The following TMEM71 variants were observed in gnomAD, a reference collection of about 807,000 sequenced individuals.
TMEM71 encodes transmembrane protein 71.
Under a neutral mutation model 38.0 loss-of-function variants are expected in TMEM71, and 44 were observed. That is an observed-to-expected ratio of 1.16 (90% CI 0.91 to 1.49). The LOEUF is 1.49. Among genes scored for constraint, TMEM71 ranks in the 40% most tolerant of loss-of-function variants. The probability of loss-of-function intolerance (pLI) is 0.00; values close to 1 mark genes in which losing one functional copy is unlikely to be tolerated. For missense variants in TMEM71, 367 were observed against 348.6 expected (o/e 1.05, Z -0.42); for synonymous variants, 133 against 122.5 (o/e 1.09, Z -0.56).
At chr8:132,728,836 C>A (rs1827295490) in intron 5 of TMEM71, among the ~76,000 whole-genome samples, 1 of 152,190 alleles carries the variant, frequency 6.6e-6, no homozygotes, top group Non-Finnish European at 1.5e-5. Context: ...TCTGTCCTTA[C>A]ATATTGCTGA....
intron 3 of TMEM71, among the ~76,000 whole-genome samples, chr8:132,756,403 CATATATATTATATATAT>C (rs1829006531): frequency 1.1e-5 from 1 of 95,234 alleles, no homozygotes; most frequent in Admixed American, 1.2e-4. Context: ...TTGACACTAA[CATATATATTATATATAT>C]ATATATATAT....
intron 7 of TMEM71, among the ~76,000 whole-genome samples, chr8:132,715,435 A>AAAAAAAAAAAAAAAGAAT: frequency 6.7e-6 from 1 of 150,204 alleles, no homozygotes; most frequent in East Asian, 2.0e-4. Context: ...AAAAAAAAAA[A>AAAAAAAAAAAAAAAGAAT]GAATGAAAAG....
chr8:132,760,979 T>G (rs1829282311), upstream of TMEM71, among the ~76,000 whole-genome samples: 1 of 152,248 alleles, frequency 6.6e-6, no homozygotes, highest in South Asian at 2.1e-4. Context: ...ACTGATGCTA[T>G]TAAATTCAGA....
Position 132,746,992 on chromosome 8 carries a change from T to C in TMEM71, c.437A>G (p.Asn146Ser), listed in dbSNP as rs1420813978. Residue 146 changes from asparagine (N) to serine (S), a missense_variant, in exon 5 of 10, where the codon AAC (asparagine) becomes AGC (serine). Physicochemically the swap from Asn to Ser is conservative, Grantham distance 46 (BLOSUM62 1). Coordinates refer to ENST00000677595, the MANE Select transcript of TMEM71 (RefSeq NM_001382403.1). ...GDINSSPSED[N>S]WLKGTRRLDT... ...CAACCTCCTGGTCCCCTTCAACCAG[T>C]TGTCTTCACTTGGAGAAGAGTTGAT... 1 of 1,613,438 alleles carries C rather than the reference T, an allele frequency of 6.2e-7. No individual in the cohort carries two copies. Among genetic ancestry groups the C allele is most frequent in the African/African-American group, 1.3e-5 (1 of 74,892 alleles).
At chr8:132,740,324 A>G (rs1259533808) in intron 5 of TMEM71, among the ~76,000 whole-genome samples, 1 of 152,222 alleles carries the variant, frequency 6.6e-6, no homozygotes, top group Admixed American at 6.5e-5. Flanking sequence ...GCCAATGCTC[A>G]AAAGTTCTTC....
chr8:132,717,643 G>A (rs1269221230), intron 7 of TMEM71, among the ~76,000 whole-genome samples: 2 of 152,202 alleles, frequency 1.3e-5, no homozygotes, highest in Admixed American at 6.5e-5. Flanking sequence ...GCTGGTGGGG[G>A]TGGGAGTGTA....
downstream of TMEM71, among the ~76,000 whole-genome samples, chr8:132,706,546 G>C (rs1384210054): frequency 6.6e-6 from 1 of 152,074 alleles, no homozygotes; most frequent in African/African-American, 2.4e-5. Context: ...TATAGAGTTT[G>C]GAAGTTGGAG....
intron 5 of TMEM71, among the ~76,000 whole-genome samples, chr8:132,732,604 C>T (rs1231922695): frequency 2.6e-5 from 4 of 152,062 alleles, no homozygotes; most frequent in Admixed American, 2.0e-4. Flanking sequence ...ACATGAGTTG[C>T]TTTGTGTGTT....
intron 4 of TMEM71, among the ~76,000 whole-genome samples, chr8:132,747,581 C>A (rs1476650239): frequency 6.6e-6 from 1 of 152,210 alleles, no homozygotes; most frequent in Non-Finnish European, 1.5e-5. Flanking sequence ...CCCAGAGAGT[C>A]TGCCTCCACG....
Position 132,751,944 on chromosome 8 carries a change from T to A in TMEM71, c.155A>T (p.Asp52Val), listed in dbSNP as rs1265170241. The A allele has an allele frequency of 6.2e-7, 1 of 1,614,108 alleles. No individual in the cohort carries two copies. The highest frequency in any genetic ancestry group is 8.5e-7 in the Non-Finnish European group (1 of 1,180,030). ...GGTATAGTGGGAGCCTGTCAGGGGA[T>A]CTATGGAGCCGCATTCAAAAGAATG... ...GYHSFECGSI[D>V]PLTGSHYTCR... Residue 52 changes from aspartate to valine, a missense_variant, in exon 4 of 10, where the codon GAT becomes GTT. By Grantham distance (152) the Asp-to-Val change is radical. Transcript: ENST00000677595.
intron 6 of TMEM71, among the ~76,000 whole-genome samples, chr8:132,726,084 C>T (rs1048847675): frequency 6.6e-6 from 1 of 152,138 alleles, no homozygotes; most frequent in African/African-American, 2.4e-5. Flanking sequence ...AAGGAGCTCA[C>T]AGAGGCAAAC....
Position 132,710,699 on chromosome 8 carries a change from C to T in TMEM71, c.*268G>A. 1 of 553,106 alleles carries T rather than the reference C, an allele frequency of 1.8e-6. No individual in the cohort carries two copies. Among genetic ancestry groups the T allele is most frequent in the Non-Finnish European group, 3.1e-6 (1 of 318,124 alleles). 34.3% of individuals were successfully genotyped at this position (553,106 alleles called of 1,614,324 possible). On this transcript the variant is annotated 3_prime_UTR_variant, in exon 10 of 10. Transcript: ENST00000677595. ...GGGGGACATTTATTCCAGGCGGTCT[C>T]TTTTCCATCACATTCCCCGTCCTTT...
intron 7 of TMEM71, among the ~76,000 whole-genome samples, chr8:132,720,691 T>A (rs1369760485): frequency 3.9e-5 from 6 of 152,180 alleles, no homozygotes; most frequent in African/African-American, 1.4e-4. Flanking sequence ...GATCTAGGAC[T>A]TTGTATTTAA....
intron 5 of TMEM71, among the ~76,000 whole-genome samples, chr8:132,738,855 C>T (rs1280716819): frequency 2.6e-5 from 2 of 77,932 alleles, no homozygotes; most frequent in African/African-American, 7.6e-5. Flanking sequence ...TCTAGTATTA[C>T]ATGCACACAC....
At position 132,747,151 on chromosome 8, in the gene TMEM71, T is replaced by C. The variant is rs372421293; in HGVS notation, c.315-37A>G. ...TGAAAGCATGGTGAACAACGAATAA[T>C]AGTTACCTTTAGTTCAAAACTGTGA... On this transcript the variant is annotated intron_variant, in intron 4 of 9. Coordinates refer to ENST00000677595, the MANE Select transcript of TMEM71 (RefSeq NM_001382403.1). 1.1e-5 allele frequency: 17 copies of C among 1,487,820 alleles called. No individual in the cohort carries two copies. The African/African-American group carries it at 1.4e-4, about 12-fold the overall frequency. The allele number at this position is 1,487,820 out of a possible 1,614,324, so 92.2% of individuals were successfully genotyped here.
chr8:132,765,852 G>T, the TMEM71 span, among the ~76,000 whole-genome samples: 2 of 151,784 alleles, frequency 1.3e-5, no homozygotes, highest in Non-Finnish European at 2.9e-5. Flanking sequence ...GCAGTGGCAC[G>T]ATCTCGGCTC....
intron 5 of TMEM71, among the ~76,000 whole-genome samples, chr8:132,732,642 T>C (rs1295108382): frequency 6.6e-6 from 1 of 152,176 alleles, no homozygotes; most frequent in African/African-American, 2.4e-5. Context: ...GTGAGAGATT[T>C]GCGAGATTCC....
rs753082658 is a variant in TMEM71 at position 132,746,959 on chromosome 8, T to C, written c.470A>G (p.Asp157Gly). The C allele has an allele frequency of 1.6e-5, 25 of 1,603,560 alleles. No homozygotes were observed. The South Asian group carries it at 2.7e-4, about 17-fold the overall frequency. The change falls in exon 5 of 10, where the codon GAC (aspartate) becomes GGC (glycine). Residue 157 changes from aspartate to glycine, a missense_variant. Transcript: ENST00000677595. ...WLKGTRRLDT[D>G]HCNGNADDLD... ...AAACTCACCATTTCCATTGCAATGG[T>C]CTGTGTCCAACCTCCTGGTCCCCTT...
chr8:132,750,435 T>G (rs992377298), intron 4 of TMEM71, among the ~76,000 whole-genome samples: 2 of 152,168 alleles, frequency 1.3e-5, no homozygotes, highest in Non-Finnish European at 2.9e-5. Flanking sequence ...GCTGTTGGGG[T>G]ATGTTCTCTT....
Sources: allele counts gnomAD v4.1 joint callset (sites outside exome capture counted in the v4.1 genomes callset), GRCh38; gene constraint gnomAD v4.1.1; transcripts MANE v1.5; gene names NCBI Gene and HGNC (gene_info 2026-07-23, HGNC 2026-07-21).